The following ROPN1L variants were observed in gnomAD, a reference collection of about 807,000 sequenced individuals.
The protein encoded by ROPN1L is rhophilin associated tail protein 1 like, also known as ropporin-1-like protein.
In ROPN1L, 23 loss-of-function variants were observed where a neutral mutation model predicts 22.7. The observed-to-expected ratio is 1.01, with a 90% CI of 0.73 to 1.43. The LOEUF (loss-of-function observed/expected upper bound fraction) is 1.43. Ranked by LOEUF, ROPN1L falls within the 40% of genes most tolerant of loss-of-function variation. The pLI, the probability that ROPN1L is intolerant of heterozygous loss-of-function variation, is 0.00. For synonymous variants in ROPN1L, 116 were observed against 117.8 expected (o/e 0.98, Z 0.10); for missense variants, 271 against 291.5 (o/e 0.93, Z 0.51).
At chr5:10,444,823 C>T (rs948795251) in intron 1 of ROPN1L, among the ~76,000 whole-genome samples, 14 of 151,458 alleles carry the variant, frequency 9.2e-5, no homozygotes, top group Non-Finnish European at 2.1e-4. Context: ...TGTTTGAAAC[C>T]GGGAAGCAGA....
chr5:10,472,853 A>G (rs1479543782), downstream of ROPN1L, among the ~76,000 whole-genome samples: 1 of 152,210 alleles, frequency 6.6e-6, no homozygotes, highest in Non-Finnish European at 1.5e-5. Flanking sequence ...AGAGAGATTA[A>G]TTAAGTTCCT....
intron 3 of ROPN1L, among the ~76,000 whole-genome samples, chr5:10,460,168 T>C (rs1360974601): frequency 6.6e-6 from 1 of 152,098 alleles, no homozygotes; most frequent in East Asian, 1.9e-4. Context: ...CAGGTCATGA[T>C]GTCTTGGTGC....
chr5:10,451,358 CT>C (rs995151696), intron 3 of ROPN1L, among the ~76,000 whole-genome samples: 2 of 152,248 alleles, frequency 1.3e-5, no homozygotes, highest in Non-Finnish European at 2.9e-5. Flanking sequence ...TCCTGTCCCC[CT>C]GCCTGGTGGC....
Position 10,464,950 on chromosome 5 carries a change from CAGAGAAGAAT to C in ROPN1L, c.*5_*14del, listed in dbSNP as rs1735126445. Reference sequence around the variant, plus strand: ...ACTCTGAAGATGTAGGCCATTAATACAGAGAAGAATACATTTTAATGTCAAAATAGTGCTC... The same window carrying C: ...ACTCTGAAGATGTAGGCCATTAATACACATTTTAATGTCAAAATAGTGCTC... On this transcript the variant is annotated 3_prime_UTR_variant, in exon 5 of 5. Transcript: ENST00000274134. The C allele has an allele frequency of 1.3e-6, 2 of 1,528,980 alleles. No individual in the cohort carries two copies. Among genetic ancestry groups the C allele is most frequent in the Admixed American group, 2.0e-5 (1 of 51,000 alleles). The allele number at this position is 1,528,980 out of a possible 1,614,324, so 94.7% of individuals were successfully genotyped here.
Position 10,441,880 on chromosome 5 carries a change from C to T in ROPN1L, c.-288C>T. On this transcript the variant is annotated 5_prime_UTR_variant, in exon 1 of 5. Transcript: ENST00000274134. Reference sequence around the variant, plus strand: ...CGGCTCCAGGGGCGGGGCCTGCTCGCGTCCCGGGTGCCTGGATACCGAGCG... The same window carrying T: ...CGGCTCCAGGGGCGGGGCCTGCTCGTGTCCCGGGTGCCTGGATACCGAGCG... 4.0e-6 allele frequency: 1 copy of T among 252,768 alleles called. No individual in the cohort carries two copies. The highest frequency in any genetic ancestry group is 7.7e-6 in the Non-Finnish European group (1 of 129,466). The allele number at this position is 252,768 out of a possible 1,614,324, so 15.7% of individuals were successfully genotyped here.
chr5:10,479,478 T>A, the ROPN1L span: 3 of 152,230 alleles, frequency 2.0e-5, no homozygotes, highest in African/African-American at 7.2e-5. Context: ...AAACACGGGC[T>A]GCAGAGTTCA....
chr5:10,443,116 A>C (rs1415130445), intron 1 of ROPN1L, among the ~76,000 whole-genome samples: 3 of 152,172 alleles, frequency 2.0e-5, no homozygotes, highest in African/African-American at 7.2e-5. Context: ...GCACTTTGGG[A>C]GGCCAAGCTG....
intron 2 of ROPN1L, among the ~76,000 whole-genome samples, chr5:10,448,713 G>A (rs1741159533): frequency 6.6e-6 from 1 of 152,212 alleles, no homozygotes; most frequent in African/African-American, 2.4e-5. Flanking sequence ...AGAACCTGGG[G>A]GGTTTCCAGT....
chr5:10,446,387 G>A (rs1018759913), intron 1 of ROPN1L, among the ~76,000 whole-genome samples: 13 of 152,148 alleles, frequency 8.5e-5, no homozygotes, highest in Non-Finnish European at 1.8e-4. Context: ...GGCCGGGTGC[G>A]GTGGCTCACG....
At chr5:10,475,378 G>A (rs111943358), downstream of ROPN1L, among the ~76,000 whole-genome samples, 20 of 152,178 alleles carry the variant, frequency 1.3e-4, no homozygotes, top group African/African-American at 3.4e-4. Flanking sequence ...CTCGTACCCC[G>A]ACCCTATTGT....
At chr5:10,464,771 T>C (rs748775108) in intron 4 of ROPN1L, 77 bp from the exon 5 acceptor site, 4 of 799,496 alleles carry the variant, frequency 5.0e-6, no homozygotes, top group Non-Finnish European at 7.8e-6. Flanking sequence ...TTTTAAATTA[T>C]ATCGCATTTT....
chr5:10,477,452 C>T, the ROPN1L span, among the ~76,000 whole-genome samples: 1 of 152,118 alleles, frequency 6.6e-6, no homozygotes, highest in African/African-American at 2.4e-5. Flanking sequence ...AACAAGGACA[C>T]GCAGCCAGCC....
chr5:10,442,219 G>T lies in ROPN1L; in HGVS notation c.52G>T (p.Glu18Ter). Residue 18 changes from glutamate to a stop codon, truncating the protein, a stop_gained, in exon 1 of 5, where the codon GAG becomes TAG. Transcript: ENST00000274134. LOFTEE classifies it high-confidence loss of function. Reference sequence around the variant, plus strand: ...CGCTCAGCAGATCCACATTCCCCCGGAGCTGCCGGACATCCTGAAGCAATT... The same window carrying T: ...CGCTCAGCAGATCCACATTCCCCCGTAGCTGCCGGACATCCTGAAGCAATT... ...FCAQQIHIPPELPDILKQFTK... is the reference protein window; with the variant it reads ...FCAQQIHIPP 6.2e-7 allele frequency: 1 copy of T among 1,613,840 alleles called. No homozygotes were observed. The highest frequency in any genetic ancestry group is 8.5e-7 in the Non-Finnish European group (1 of 1,179,922).
chr5:10,450,801 C>A (rs780166114), intron 3 of ROPN1L, among the ~76,000 whole-genome samples: 1 of 152,238 alleles, frequency 6.6e-6, no homozygotes, highest in African/African-American at 2.4e-5. Flanking sequence ...ACCGCGCCGG[C>A]CTTAGAAATC....
downstream of ROPN1L, among the ~76,000 whole-genome samples, chr5:10,474,669 C>T (rs1380061366): frequency 6.6e-6 from 1 of 152,264 alleles, no homozygotes; most frequent in Non-Finnish European, 1.5e-5. Flanking sequence ...CTCAGCCAAG[C>T]TGGGCTTGGA....
At chr5:10,473,428 T>C (rs1735277800), downstream of ROPN1L, among the ~76,000 whole-genome samples, 2 of 152,102 alleles carry the variant, frequency 1.3e-5, no homozygotes, top group African/African-American at 4.8e-5. Context: ...CTGCCATCAC[T>C]AAGGAGTGCT....
chr5:10,462,926 T>C (rs560507906), intron 4 of ROPN1L, among the ~76,000 whole-genome samples: 15 of 133,554 alleles, frequency 1.1e-4, no homozygotes, highest in African/African-American at 3.6e-4. Flanking sequence ...ATAATAATAA[T>C]AACTTAAAAA....
At chr5:10,464,511 A>T (rs1430505580) in intron 4 of ROPN1L, among the ~76,000 whole-genome samples, 5 of 152,190 alleles carry the variant, frequency 3.3e-5, no homozygotes, top group Non-Finnish European at 4.4e-5. Context: ...GTTCCATCTC[A>T]TTCCAAATCC....
the ROPN1L span, among the ~76,000 whole-genome samples, chr5:10,479,743 A>G: frequency 6.8e-4 from 102 of 151,014 alleles, 1 homozygote; most frequent in East Asian, 0.015. Context: ...AGGCTGGGAC[A>G]TGTCAACTCT....
Sources: gnomAD v4.1 joint callset for allele counts (sites outside exome capture counted in the v4.1 genomes callset) on GRCh38, gnomAD v4.1.1 for gene constraint, MANE v1.5 for transcripts, NCBI Gene and HGNC (gene_info 2026-07-23, HGNC 2026-07-21) for gene names.